ASTN2: variants seen among roughly 807,000 people sequenced by gnomAD.
ASTN2 encodes astrotactin 2, also known as astrotactin-2.
In ASTN2, 54 loss-of-function variants were observed where a neutral mutation model predicts 139.8. The ratio of observed to expected loss-of-function variants is 0.39; its 90% confidence interval spans 0.31 to 0.48. ASTN2 has a LOEUF of 0.48. Among genes scored for constraint, ASTN2 ranks in the 20% least tolerant of loss-of-function variants. The pLI is 0.95. For synonymous variants in ASTN2, 756 were observed against 719.5 expected, an observed-to-expected ratio of 1.05 and a Z score of -0.81; for missense variants, 1,565 against 1,725.1, an observed-to-expected ratio of 0.91 and a Z score of 1.64.
At chr9:116,922,089 C>A (rs961302467) in intron 10 of ASTN2, among the ~76,000 whole-genome samples, 1 of 152,184 alleles carries the variant, frequency 6.6e-6, no homozygotes, top group Non-Finnish European at 1.5e-5. Flanking sequence ...GAACCTCTTC[C>A]TTCCGGAAGT....
chr9:117,179,017 TG>T (rs1374414030), intron 3 of ASTN2, among the ~76,000 whole-genome samples: 1 of 152,212 alleles, frequency 6.6e-6, no homozygotes, highest in Non-Finnish European at 1.5e-5. Flanking sequence ...GGATATTCCC[TG>T]AGAGTAGTAA....
chr9:117,225,820 T>C (rs1256103809), intron 2 of ASTN2, among the ~76,000 whole-genome samples: 6 of 151,820 alleles, frequency 4.0e-5, no homozygotes, highest in African/African-American at 1.5e-4. Flanking sequence ...GTATAAAATA[T>C]GTCACACAGC....
chr9:116,587,994 A>AT (rs1339043375), intron 19 of ASTN2, among the ~76,000 whole-genome samples: 1 of 152,116 alleles, frequency 6.6e-6, no homozygotes, highest in African/African-American at 2.4e-5. Context: ...GGTTACCAGT[A>AT]TTTTTTATTG....
chr9:117,244,676 GGAAGGACA>G (rs1474499849), intron 2 of ASTN2, among the ~76,000 whole-genome samples: 2 of 144,100 alleles, frequency 1.4e-5, no homozygotes, highest in Admixed American at 1.4e-4. Flanking sequence ...ATGGATGGAT[GGAAGGACA>G]GAAGGAAGGA....
intron 19 of ASTN2, among the ~76,000 whole-genome samples, chr9:116,504,073 G>A (rs563582739): frequency 5.3e-5 from 8 of 152,274 alleles, no homozygotes; most frequent in Admixed American, 2.6e-4. Context: ...GTACAGACAG[G>A]AAAACTAAAG....
In ASTN2 at chr9:117,407,042, T is replaced by C. The variant is rs144265144; in HGVS notation, c.442+7455A>G. On this transcript the variant is annotated intron_variant, in intron 1 of 22. Coordinates refer to ENST00000313400, the MANE Select transcript of ASTN2 (RefSeq NM_001365068.1). ...CTGGCTATGATTATAGCAGTCTTTA[T>C]TGATAGTGGGCACCAAGGCTCAGAG... Among the ~76,000 whole-genome samples the C allele has an allele frequency of 7.0e-4, 107 of 152,284 alleles. 1 individual carries two copies. In the East Asian group the frequency reaches 0.014, roughly 20 times the overall value.
At position 117,056,083 on chromosome 9, in the gene ASTN2, G is replaced by A. The variant is rs1041481749; in HGVS notation, c.1277-16118C>T. ...CTGACAACAACCATGTAAGTAAGCT[G>A]GGAACAGATCCCTCCCCAGTTGAAG... is the stretch of plus-strand genomic sequence containing the variant. On this transcript the variant is annotated intron_variant, in intron 5 of 22. Coordinates refer to ENST00000313400, the MANE Select transcript of ASTN2 (RefSeq NM_001365068.1). 7.2e-5 allele frequency among the ~76,000 whole-genome samples: 11 copies of A among 152,268 alleles called. No individual in the cohort carries two copies. The East Asian group carries it at 1.7e-3, about 24-fold the overall frequency.
At chr9:116,801,229 G>A (rs543238518) in intron 13 of ASTN2, among the ~76,000 whole-genome samples, 1 of 152,238 alleles carries the variant, frequency 6.6e-6, no homozygotes, top group African/African-American at 2.4e-5. Context: ...TCAGGAATGT[G>A]AAGGACAAAG....
intron 11 of ASTN2, among the ~76,000 whole-genome samples, chr9:116,844,719 T>G (rs912942417): frequency 7.2e-5 from 11 of 152,214 alleles, no homozygotes; most frequent in Admixed American, 2.0e-4. Flanking sequence ...TAATATTCAG[T>G]GCTCAGTAAA....
intron 6 of ASTN2, among the ~76,000 whole-genome samples, chr9:117,018,384 A>C (rs1837777650): frequency 6.6e-6 from 1 of 152,124 alleles, no homozygotes; most frequent in Non-Finnish European, 1.5e-5. Flanking sequence ...TGGAAAAGAC[A>C]GCTCACAACT....
At chr9:116,839,887 T>TATTATTATTATTATTATTA in intron 11 of ASTN2, among the ~76,000 whole-genome samples, 1 of 91,448 alleles carries the variant, frequency 1.1e-5, no homozygotes, top group African/African-American at 5.4e-5. Flanking sequence ...TATTATTTTT[T>TATTATTATTATTATTATTA]TTTTTTTAAT....
chr9:116,923,449 A>G (rs906574074), intron 10 of ASTN2, among the ~76,000 whole-genome samples: 1 of 152,192 alleles, frequency 6.6e-6, no homozygotes, highest in Non-Finnish European at 1.5e-5. Context: ...CCTTGTCTTT[A>G]CAGTTGTCCT....
intron 3 of ASTN2, among the ~76,000 whole-genome samples, chr9:117,213,483 G>A (rs956840566): frequency 2.9e-4 from 44 of 152,110 alleles, no homozygotes; most frequent in African/African-American, 9.9e-4. Context: ...CAATGTTTAA[G>A]ATGATTGATA....
intron 13 of ASTN2, among the ~76,000 whole-genome samples, chr9:116,782,029 C>T (rs950687191): frequency 6.6e-6 from 1 of 152,158 alleles, no homozygotes; most frequent in African/African-American, 2.4e-5. Context: ...TTCCAGAGCC[C>T]CATGCTGCCT....
At chr9:116,812,076 AGTGT>A (rs1179060423) in intron 12 of ASTN2, among the ~76,000 whole-genome samples, 3 of 152,016 alleles carry the variant, frequency 2.0e-5, no homozygotes, top group Non-Finnish European at 4.4e-5. Context: ...TGTGTCTCTG[AGTGT>A]GTGTGTGTAC....
At chr9:116,853,648 A>G (rs2132325882) in intron 11 of ASTN2, among the ~76,000 whole-genome samples, 1 of 152,308 alleles carries the variant, frequency 6.6e-6, no homozygotes, top group African/African-American at 2.4e-5. Flanking sequence ...TCTCCTGATC[A>G]GAGACCCTTT....
Position 116,777,237 on chromosome 9 carries a change from G to A in ASTN2, c.2396+28395C>T, listed in dbSNP as rs563686300. Among the ~76,000 whole-genome samples, 92 of 152,266 alleles carry A rather than the reference G, an allele frequency of 6.0e-4. 3 individuals carry two copies. Among genetic ancestry groups the A allele is most frequent in the Admixed American group, 5.7e-3 (87 of 15,290 alleles). On this transcript the variant is annotated intron_variant, in intron 13 of 22. Coordinates refer to ENST00000313400, the MANE Select transcript of ASTN2 (RefSeq NM_001365068.1). ...AGAAGGGCTACTGAGACCCAGACAAGAAATGCAGACATCCATACAGCAGGG... is the reference window on the plus strand; with the variant it reads ...AGAAGGGCTACTGAGACCCAGACAAAAAATGCAGACATCCATACAGCAGGG...
At chr9:117,234,897 G>A (rs539586212) in intron 2 of ASTN2, among the ~76,000 whole-genome samples, 51 of 152,166 alleles carry the variant, frequency 3.4e-4, no homozygotes, top group Non-Finnish European at 6.9e-4. Flanking sequence ...GCGATTTCAA[G>A]GGTTTTAGGT....
intron 1 of ASTN2, among the ~76,000 whole-genome samples, chr9:117,400,062 C>T (rs887061311): frequency 6.6e-6 from 1 of 152,222 alleles, no homozygotes; most frequent in Non-Finnish European, 1.5e-5. Flanking sequence ...GCAAACCAGA[C>T]TGGATGATTT....
Sources: allele counts gnomAD v4.1 joint callset (sites outside exome capture counted in the v4.1 genomes callset), GRCh38; gene constraint gnomAD v4.1.1; transcripts MANE v1.5; gene names NCBI Gene and HGNC (gene_info 2026-07-23, HGNC 2026-07-21).